Variants in MARCHF1 observed in about 807,000 individuals in gnomAD.
The protein encoded by MARCHF1 is E3 ubiquitin-protein ligase MARCHF1.
Under a neutral mutation model 54.2 loss-of-function variants are expected in MARCHF1, and 40 were observed. The ratio of observed to expected loss-of-function variants is 0.74; its 90% confidence interval spans 0.57 to 0.96. The LOEUF (loss-of-function observed/expected upper bound fraction) is 0.96, where lower values mean the gene tolerates loss of function less well. Ranked by LOEUF, MARCHF1 falls within the 40% of genes least tolerant of loss-of-function variation. The pLI is 0.00. For missense variants in MARCHF1, 586 were observed against 656.5 expected (o/e 0.89, Z 1.17); for synonymous variants, 236 against 236.3 (o/e 1.00, Z 0.01).
rs980728249 is a variant in MARCHF1, at chr4:163,988,645, T to G, written c.-183A>C. 6.6e-6 allele frequency: 1 copy of G among 152,222 alleles called. No homozygotes were observed. The allele number at this position is 152,222 out of a possible 1,614,324, so 9.4% of individuals were successfully genotyped here. On this transcript the variant is annotated 5_prime_UTR_variant, in exon 3 of 10. Transcript: ENST00000514618. ...CCAATCCCTGATTGGATGCCTTATC[T>G]CTTCACTCGCCCTGAGTAGCCCACC...
At chr4:163,723,396 G>A (rs965787727) in intron 4 of MARCHF1, among the ~76,000 whole-genome samples, 20 of 152,224 alleles carry the variant, frequency 1.3e-4, no homozygotes, top group African/African-American at 4.1e-4. Context: ...GAGATCAGCT[G>A]TTAGTCTGGT....
intron 5 of MARCHF1, among the ~76,000 whole-genome samples, chr4:163,635,977 G>C (rs1022151632): frequency 6.6e-6 from 1 of 152,158 alleles, no homozygotes; most frequent in Non-Finnish European, 1.5e-5. Flanking sequence ...CATATAAACA[G>C]AGCCAAAGAC....
intron 2 of MARCHF1, among the ~76,000 whole-genome samples, chr4:164,041,210 A>G (rs571249016): frequency 6.6e-6 from 1 of 152,240 alleles, no homozygotes; most frequent in Admixed American, 6.5e-5. Flanking sequence ...AACGAACAAA[A>G]TATTTTTTAT....
At chr4:163,664,445 A>G (rs536217657) in intron 5 of MARCHF1, among the ~76,000 whole-genome samples, 2 of 152,116 alleles carry the variant, frequency 1.3e-5, no homozygotes, top group African/African-American at 4.8e-5. Flanking sequence ...ATGCTTAAAT[A>G]TAAAAGAGAT....
intron 8 of MARCHF1, among the ~76,000 whole-genome samples, chr4:163,570,691 G>A (rs1254886720): frequency 6.6e-6 from 1 of 152,160 alleles, no homozygotes; most frequent in East Asian, 1.9e-4. Flanking sequence ...TGCCTGAAGA[G>A]TTTTTGAATT....
chr4:164,143,937 G>A (rs943072901), intron 1 of MARCHF1, among the ~76,000 whole-genome samples: 4 of 152,132 alleles, frequency 2.6e-5, no homozygotes, highest in African/African-American at 7.2e-5. Flanking sequence ...CATCTCACGT[G>A]CAGAGACACA....
intron 1 of MARCHF1, among the ~76,000 whole-genome samples, chr4:164,263,976 G>C (rs1484988910): frequency 4.6e-5 from 7 of 152,158 alleles, no homozygotes; most frequent in African/African-American, 1.4e-4. Context: ...ATTCGACCCA[G>C]TAATCCGACT....
chr4:163,537,097 A>G (rs755619148), intron 9 of MARCHF1, among the ~76,000 whole-genome samples: 6 of 151,828 alleles, frequency 4.0e-5, no homozygotes, highest in Non-Finnish European at 1.5e-5. Context: ...ATAAGTGGAC[A>G]CGATTTTTTT....
chr4:163,618,068 C>G, intron 5 of MARCHF1, among the ~76,000 whole-genome samples: 1 of 152,178 alleles, frequency 6.6e-6, no homozygotes, highest in East Asian at 1.9e-4. Flanking sequence ...GCATTTATGT[C>G]TACAGCCCTT....
At chr4:164,060,849 T>C (rs938322641) in intron 2 of MARCHF1, among the ~76,000 whole-genome samples, 7 of 152,194 alleles carry the variant, frequency 4.6e-5, no homozygotes, top group Non-Finnish European at 1.0e-4. Flanking sequence ...TGTATTATTA[T>C]TGTTTGCATT....
At chr4:163,934,078 C>T (rs1751739267) in intron 3 of MARCHF1, among the ~76,000 whole-genome samples, 1 of 152,092 alleles carries the variant, frequency 6.6e-6, no homozygotes, top group Admixed American at 6.6e-5. Flanking sequence ...AAGTCTAAAG[C>T]TTTAGTACTT....
chr4:163,739,170 A>G (rs1746127577), intron 4 of MARCHF1, among the ~76,000 whole-genome samples: 1 of 152,160 alleles, frequency 6.6e-6, no homozygotes, highest in South Asian at 2.1e-4. Flanking sequence ...ATATTTGTTC[A>G]TATCTTTGAA....
At chr4:164,070,195 A>G (rs975654903) in intron 2 of MARCHF1, among the ~76,000 whole-genome samples, 5 of 152,254 alleles carry the variant, frequency 3.3e-5, no homozygotes, top group Non-Finnish European at 7.3e-5. Context: ...CAATATACCC[A>G]TGCAGTGAAC....
intron 5 of MARCHF1, among the ~76,000 whole-genome samples, chr4:163,692,057 G>C (rs1579200059): frequency 6.6e-6 from 1 of 152,202 alleles, no homozygotes; most frequent in East Asian, 1.9e-4. Context: ...GGAAGCTTGT[G>C]TGTATTGGTC....
intron 4 of MARCHF1, among the ~76,000 whole-genome samples, chr4:163,815,873 G>T (rs35612442): frequency 0.38 from 57,168 of 151,814 alleles, 10,915 homozygotes; most frequent in Admixed American, 0.42. Flanking sequence ...CCAACCAAAT[G>T]AACATAAAAA....
intron 1 of MARCHF1, among the ~76,000 whole-genome samples, chr4:164,278,404 A>C (rs998084393): frequency 3.3e-5 from 5 of 152,230 alleles, no homozygotes; most frequent in African/African-American, 4.8e-5. Flanking sequence ...CTTTCTTCCC[A>C]AGTCACTAAA....
At chr4:164,242,234 C>T (rs1465843211) in intron 1 of MARCHF1, among the ~76,000 whole-genome samples, 1 of 142,996 alleles carries the variant, frequency 7.0e-6, no homozygotes, top group Admixed American at 7.0e-5. Context: ...CCCTGTCTGA[C>T]AGCTTTGAAG....
intron 1 of MARCHF1, among the ~76,000 whole-genome samples, chr4:164,165,156 AG>A (rs1270668572): frequency 6.6e-6 from 1 of 151,980 alleles, no homozygotes; most frequent in African/African-American, 2.4e-5. Context: ...TTCTAGTAAA[AG>A]CTCTGACCCA....
intron 3 of MARCHF1, among the ~76,000 whole-genome samples, chr4:163,869,929 G>A (rs2111213984): frequency 6.6e-6 from 1 of 152,186 alleles, no homozygotes; most frequent in Admixed American, 6.5e-5. Flanking sequence ...TGGATTGGTG[G>A]AAATAATATT....
Sources: allele counts gnomAD v4.1 joint callset (sites outside exome capture counted in the v4.1 genomes callset), GRCh38; gene constraint gnomAD v4.1.1; transcripts MANE v1.5; gene names NCBI Gene and HGNC (gene_info 2026-07-23, HGNC 2026-07-21).